Variants in PTPRC observed in about 807,000 individuals in gnomAD.
The protein encoded by PTPRC is protein tyrosine phosphatase receptor type C.
Under a neutral mutation model 155.9 loss-of-function variants are expected in PTPRC, and 44 were observed. The ratio of observed to expected loss-of-function variants is 0.28; its 90% CI spans 0.22 to 0.36. The LOEUF is 0.36. PTPRC is among the 10% of genes least tolerant of loss of function. PTPRC has a pLI of 1.00. For missense variants in PTPRC, 1,401 were observed against 1,564.6 expected, an observed-to-expected ratio of 0.90 and a Z score of 1.76; for synonymous variants, 525 against 533.1, an observed-to-expected ratio of 0.98 and a Z score of 0.21.
chr1:198,729,027 C>T (rs915571136), intron 16 of PTPRC, 110 bp from the exon 17 acceptor site: 21 of 1,236,848 alleles, frequency 1.7e-5, no homozygotes, highest in Non-Finnish European at 2.2e-5. Context: ...TTTTCTTATC[C>T]CTGACTTCCT....
At chr1:198,707,420 G>A (rs1653041594) in intron 9 of PTPRC, among the ~76,000 whole-genome samples, 1 of 151,204 alleles carries the variant, frequency 6.6e-6, no homozygotes, top group Admixed American at 6.6e-5. Context: ...GATCAAGTTG[G>A]TTTTGTCAGC....
chr1:198,752,183 AGGGAGACT>A (rs1456164301), intron 29 of PTPRC, 58 bp from the exon 30 acceptor site: 3 of 1,515,648 alleles, frequency 2.0e-6, no homozygotes, highest in African/African-American at 2.8e-5. Flanking sequence ...AGGGAGAAAG[AGGGAGACT>A]GATCCTTTGC....
At chr1:198,670,872 A>G (rs1054077287) in intron 2 of PTPRC, among the ~76,000 whole-genome samples, 4 of 152,184 alleles carry the variant, frequency 2.6e-5, no homozygotes, top group African/African-American at 9.7e-5. Context: ...AAATACAACA[A>G]TACATCATAA....
At chr1:198,693,924 G>A (rs1225269320) in intron 3 of PTPRC, 4 of 1,404,526 alleles carry the variant, frequency 2.8e-6, no homozygotes, top group East Asian at 2.8e-5. Context: ...ATTAGTCTGG[G>A]TTCTCTAGAG....
chr1:198,731,523 T>G, intron 17 of PTPRC, 94 bp from the exon 18 acceptor site: 3 of 905,456 alleles, frequency 3.3e-6, no homozygotes, highest in Non-Finnish European at 5.5e-6. Flanking sequence ...GGAAAGAAGC[T>G]AAAGGATTGA....
chr1:198,663,134 A>C (rs544693286), intron 2 of PTPRC, among the ~76,000 whole-genome samples: 26 of 152,172 alleles, frequency 1.7e-4, no homozygotes, highest in Non-Finnish European at 3.2e-4. Flanking sequence ...CTCCCTGCAC[A>C]ATTGCACTGC....
At chr1:198,706,362 A>C (rs1558010905) in intron 8 of PTPRC, among the ~76,000 whole-genome samples, 1 of 152,224 alleles carries the variant, frequency 6.6e-6, no homozygotes. Flanking sequence ...TCTCAAATGC[A>C]TCATTTATTT....
chr1:198,671,074 C>G (rs943649146), intron 2 of PTPRC, among the ~76,000 whole-genome samples: 1 of 151,890 alleles, frequency 6.6e-6, no homozygotes, highest in African/African-American at 2.4e-5. Flanking sequence ...TATAAATACT[C>G]ATAATCATTT....
intron 2 of PTPRC, among the ~76,000 whole-genome samples, chr1:198,668,224 G>A (rs1283219723): frequency 6.6e-6 from 1 of 151,410 alleles, no homozygotes; most frequent in African/African-American, 2.4e-5. Flanking sequence ...TTTTATTTTT[G>A]TTTTAGAGAC....
chr1:198,677,285 C>T (rs950699488), intron 2 of PTPRC, among the ~76,000 whole-genome samples: 1 of 152,156 alleles, frequency 6.6e-6, no homozygotes, highest in Non-Finnish European at 1.5e-5. Flanking sequence ...TAATTCCTGT[C>T]ACCTGGGGAT....
At chr1:198,742,117 G>A in intron 24 of PTPRC, 91 bp downstream of exon 24, 1 of 1,599,996 alleles carries the variant, frequency 6.3e-7, no homozygotes, top group Non-Finnish European at 8.6e-7. Flanking sequence ...CTTTCCCTTT[G>A]GCAATTGCTA....
intron 23 of PTPRC, among the ~76,000 whole-genome samples, chr1:198,736,885 AC>A (rs1422614762): frequency 1.3e-5 from 2 of 151,684 alleles, no homozygotes; most frequent in Admixed American, 6.6e-5. Context: ...AGTTGTTATA[AC>A]TGGAGCATAG....
At chr1:198,666,625 A>C (rs1033247266) in intron 2 of PTPRC, among the ~76,000 whole-genome samples, 9 of 152,182 alleles carry the variant, frequency 5.9e-5, no homozygotes, top group Non-Finnish European at 1.3e-4. Context: ...TGATGAACAG[A>C]CTTTTATTCT....
chr1:198,707,536 A>AT (rs967585912), intron 9 of PTPRC, among the ~76,000 whole-genome samples: 62 of 152,058 alleles, frequency 4.1e-4, no homozygotes, highest in African/African-American at 1.4e-3. Flanking sequence ...GAGCCGTGTA[A>AT]TTTTTTTAAA....
At chr1:198,677,998 A>G (rs1243373056) in intron 2 of PTPRC, among the ~76,000 whole-genome samples, 2 of 152,316 alleles carry the variant, frequency 1.3e-5, no homozygotes, top group African/African-American at 4.8e-5. Flanking sequence ...GAACATAAAT[A>G]TAGATACATA....
chr1:198,709,764 A>T lies in PTPRC; in HGVS notation c.1111A>T (p.Ile371Leu). Residue 371 changes from isoleucine (I) to leucine (L), a missense_variant, in exon 11 of 33, where the codon ATA becomes TTA. Ile to Leu is a conservative substitution (Grantham distance 5, BLOSUM62 2). Transcript: ENST00000442510. ...ACATGAGTATAAGTGTGACTCAGAA[A>T]TACTCTATAATAACCACAAGTTTAC... ...PEHEYKCDSE[I>L]LYNNHKFTNA... The T allele has an allele frequency of 6.2e-7, 1 of 1,612,458 alleles. No homozygotes were observed. Among genetic ancestry groups the T allele is most frequent in the Non-Finnish European group, 8.5e-7 (1 of 1,179,216 alleles).
chr1:198,688,371 G>A (rs1021012065), intron 2 of PTPRC, among the ~76,000 whole-genome samples: 1 of 151,984 alleles, frequency 6.6e-6, no homozygotes, highest in Non-Finnish European at 1.5e-5. Flanking sequence ...GAAAAGATTC[G>A]AGGAAATTTT....
At chr1:198,744,778 T>C (rs113889973) in intron 26 of PTPRC, among the ~76,000 whole-genome samples, 1 of 151,882 alleles carries the variant, frequency 6.6e-6, no homozygotes, top group Non-Finnish European at 1.5e-5. Flanking sequence ...GTGTTTTTTT[T>C]GTTCCACCTA....
intron 8 of PTPRC, among the ~76,000 whole-genome samples, chr1:198,704,771 G>T (rs1055260447): frequency 4.6e-5 from 7 of 152,182 alleles, no homozygotes; most frequent in Admixed American, 1.3e-4. Flanking sequence ...CCTACTTGCT[G>T]GGCGTCGAAT....
Sources: allele counts gnomAD v4.1 joint callset (sites outside exome capture counted in the v4.1 genomes callset), GRCh38; gene constraint gnomAD v4.1.1; transcripts MANE v1.5; gene names NCBI Gene and HGNC (gene_info 2026-07-23, HGNC 2026-07-21).